Variants in NFYC observed in about 807,000 individuals in gnomAD.
The protein encoded by NFYC is nuclear transcription factor Y subunit gamma, also known as CAAT box DNA-binding protein subunit C.
A neutral mutation model predicts 53.1 loss-of-function variants in NFYC; 25 were observed. The ratio of observed to expected loss-of-function variants is 0.47; its 90% CI spans 0.34 to 0.66. The LOEUF (loss-of-function observed/expected upper bound fraction) is 0.66. NFYC is among the 30% of genes least tolerant of loss of function. The pLI, the probability that NFYC is intolerant of heterozygous loss-of-function variation, is 0.01. For synonymous variants in NFYC, 145 were observed against 152.6 expected (o/e 0.95, Z 0.37); for missense variants, 260 against 422.7 (o/e 0.62, Z 3.38).
intron 1 of NFYC, among the ~76,000 whole-genome samples, chr1:40,720,196 G>C (rs948684812): frequency 2.0e-5 from 3 of 152,130 alleles, no homozygotes; most frequent in Non-Finnish European, 4.4e-5. Context: ...ACTAAACAGA[G>C]GGAAGAATTC....
intron 2 of NFYC, among the ~76,000 whole-genome samples, chr1:40,740,311 T>C (rs1645272036): frequency 6.6e-6 from 1 of 152,186 alleles, no homozygotes; most frequent in Admixed American, 6.5e-5. Context: ...CAACTAAGGC[T>C]ATGCTAGATA....
At chr1:40,702,749 C>G (rs967547867) in intron 1 of NFYC, among the ~76,000 whole-genome samples, 1 of 152,162 alleles carries the variant, frequency 6.6e-6, no homozygotes, top group Non-Finnish European at 1.5e-5. Flanking sequence ...ACTAGTTGTT[C>G]AAGACCAAGT....
In NFYC at chr1:40,758,148, G is replaced by C; in HGVS notation, c.415G>C (p.Ala139Pro). The C allele has an allele frequency of 3.1e-6, 5 of 1,611,920 alleles. No individual in the cohort carries two copies. Among genetic ancestry groups the C allele is most frequent in the Non-Finnish European group, 4.2e-6 (5 of 1,179,860 alleles). Residue 139 changes from alanine to proline, a missense_variant, in exon 6 of 10, where the codon GCC becomes CCC. Ala to Pro is a conservative substitution (Grantham distance 27). Transcript: ENST00000447388. Reference sequence around the variant, plus strand: ...GGAGGTGCGCCAGTCTGTAACTCCTGCCGAGCCAGTCCAGTACTATTTCAC... The same window carrying C: ...GGAGGTGCGCCAGTCTGTAACTCCTCCCGAGCCAGTCCAGTACTATTTCAC... ...QEEVRQSVTP[A>P]EPVQYYFTLA...
At chr1:40,748,735 A>C (rs1444143423) in intron 3 of NFYC, among the ~76,000 whole-genome samples, 1 of 152,172 alleles carries the variant, frequency 6.6e-6, no homozygotes, top group Non-Finnish European at 1.5e-5. Context: ...AGTCTTTTGT[A>C]TTTTCACAGA....
At chr1:40,737,544 G>A (rs1251895777) in intron 1 of NFYC, among the ~76,000 whole-genome samples, 2 of 151,840 alleles carry the variant, frequency 1.3e-5, no homozygotes, top group Non-Finnish European at 2.9e-5. Context: ...GCCCAGGCTG[G>A]TCTCGAACTT....
intron 1 of NFYC, among the ~76,000 whole-genome samples, chr1:40,703,366 C>T (rs954197158): frequency 6.6e-6 from 1 of 150,626 alleles, no homozygotes; most frequent in Non-Finnish European, 1.5e-5. Context: ...GTAGCGCATG[C>T]CTGTGCTCCT....
intron 4 of NFYC, 131 bp from the exon 5 acceptor site, chr1:40,753,020 T>C (rs898099905): frequency 4.8e-6 from 3 of 630,390 alleles, no homozygotes; most frequent in Middle Eastern, 3.4e-4. Flanking sequence ...GCTGTGCTTA[T>C]TTCAGCTGTA....
chr1:40,704,118 C>G (rs551947412), intron 1 of NFYC, among the ~76,000 whole-genome samples: 1 of 150,148 alleles, frequency 6.7e-6, no homozygotes, highest in African/African-American at 2.5e-5. Flanking sequence ...GTCTCCCAGG[C>G]TGGAGTGCAG....
At chr1:40,750,709 A>G (rs1645866474) in intron 4 of NFYC, among the ~76,000 whole-genome samples, 1 of 152,270 alleles carries the variant, frequency 6.6e-6, no homozygotes, top group African/African-American at 2.4e-5. Context: ...GCTCCCTTCA[A>G]GATCAATTCA....
intron 1 of NFYC, among the ~76,000 whole-genome samples, chr1:40,701,098 A>G (rs531160899): frequency 6.8e-4 from 104 of 152,160 alleles, no homozygotes; most frequent in African/African-American, 2.3e-3. Flanking sequence ...CCAACCCTGT[A>G]TACCTTTCTT....
intron 1 of NFYC, among the ~76,000 whole-genome samples, chr1:40,733,757 T>C (rs1341721662): frequency 2.0e-5 from 3 of 151,738 alleles, no homozygotes; most frequent in Non-Finnish European, 2.9e-5. Flanking sequence ...TTTATTCTTC[T>C]TTTTGAGATG....
intron 1 of NFYC, among the ~76,000 whole-genome samples, chr1:40,737,125 C>G (rs1475520632): frequency 1.5e-5 from 1 of 65,676 alleles, no homozygotes; most frequent in African/African-American, 5.6e-5. Context: ...GAAACTCTGT[C>G]TCAAAAAAAA....
At chr1:40,709,542 A>G (rs1429043552) in intron 1 of NFYC, 2 of 152,158 alleles carry the variant, frequency 1.3e-5, no homozygotes, top group East Asian at 1.9e-4. Context: ...TTTGGGGGGT[A>G]GGGATAGGAG....
chr1:40,729,232 C>T (rs1384235786), intron 1 of NFYC, among the ~76,000 whole-genome samples: 2 of 152,180 alleles, frequency 1.3e-5, no homozygotes, highest in Non-Finnish European at 2.9e-5. Context: ...AGTAAAAGTC[C>T]ATTTTGTCTG....
intron 1 of NFYC, among the ~76,000 whole-genome samples, chr1:40,711,693 C>T (rs1261039955): frequency 6.6e-6 from 1 of 152,140 alleles, no homozygotes; most frequent in Non-Finnish European, 1.5e-5. Context: ...ACACTTCAGC[C>T]AGATAAATGT....
chr1:40,701,099 T>C (rs1643412744), intron 1 of NFYC, among the ~76,000 whole-genome samples: 1 of 152,202 alleles, frequency 6.6e-6, no homozygotes, highest in South Asian at 2.1e-4. Context: ...CAACCCTGTA[T>C]ACCTTTCTTT....
At chr1:40,764,578 G>A (rs1365105277) in intron 7 of NFYC, among the ~76,000 whole-genome samples, 1 of 152,142 alleles carries the variant, frequency 6.6e-6, no homozygotes, top group Non-Finnish European at 1.5e-5. Context: ...TTAACTCTCT[G>A]GGGCACAGAG....
intron 2 of NFYC, among the ~76,000 whole-genome samples, chr1:40,743,371 A>G (rs1032340633): frequency 6.6e-5 from 10 of 152,230 alleles, no homozygotes; most frequent in African/African-American, 1.7e-4. Flanking sequence ...AGCTCTGGGA[A>G]CAGCAAATAA....
At chr1:40,722,301 T>C (rs1393728259) in intron 1 of NFYC, among the ~76,000 whole-genome samples, 2 of 152,208 alleles carry the variant, frequency 1.3e-5, no homozygotes, top group African/African-American at 4.8e-5. Flanking sequence ...AACGTTCCCA[T>C]GTTCAGCTTG....
Sources: allele counts gnomAD v4.1 joint callset (sites outside exome capture counted in the v4.1 genomes callset), GRCh38; gene constraint gnomAD v4.1.1; transcripts MANE v1.5; gene names NCBI Gene and HGNC (gene_info 2026-07-23, HGNC 2026-07-21).